NAALADL2: variants seen among roughly 807,000 people sequenced by gnomAD.
NAALADL2 encodes inactive N-acetylated-alpha-linked acidic dipeptidase-like protein 2.
Under a neutral mutation model 87.2 loss-of-function variants are expected in NAALADL2, and 76 were observed. The observed-to-expected ratio is 0.87, with a 90% CI of 0.72 to 1.05. The LOEUF (loss-of-function observed/expected upper bound fraction) is 1.05. Among genes scored for constraint, NAALADL2 ranks in the 50% least tolerant of loss-of-function variants. The pLI, the probability that NAALADL2 is intolerant of heterozygous loss-of-function variation, is 0.00. For missense variants in NAALADL2, 1,089 were observed against 945.8 expected (o/e 1.15, Z -1.99); for synonymous variants, 354 against 331.0 (o/e 1.07, Z -0.75).
chr3:174,836,350 G>C (rs1723324667), intron 3 of NAALADL2, among the ~76,000 whole-genome samples: 1 of 152,072 alleles, frequency 6.6e-6, no homozygotes, highest in Non-Finnish European at 1.5e-5. Flanking sequence ...ATGGTGAGCT[G>C]TTTAATGGGT....
chr3:174,950,622 A>T (rs570528744), intron 1 of NAALADL2, among the ~76,000 whole-genome samples: 9 of 152,232 alleles, frequency 5.9e-5, no homozygotes, highest in Admixed American at 5.9e-4. Context: ...CCTTTTTTTA[A>T]AATAGTCATC....
chr3:174,913,791 G>A (rs1021856795), intron 1 of NAALADL2, among the ~76,000 whole-genome samples: 2 of 151,938 alleles, frequency 1.3e-5, no homozygotes, highest in Non-Finnish European at 2.9e-5. Flanking sequence ...CCAAATTAAT[G>A]AAAAATCATT....
rs971836590 is a variant in NAALADL2 at position 174,453,386 on chromosome 3, G to C, written c.-184+12354G>C. On this transcript the variant is annotated intron_variant, in intron 1 of 3. Coordinates refer to the NAALADL2 transcript ENST00000434257. ...TTGGGATATCCTCCATCTAGATAGA[G>C]AGGCCAACATTCAAATTCAGGAAAT... Among the ~76,000 whole-genome samples, 4 of 88,484 alleles carry C rather than the reference G, an allele frequency of 4.5e-5. No individual in the cohort carries two copies. In the South Asian group the frequency reaches 1.7e-3, roughly 37 times the overall value. The allele number at this position is 88,484 out of a possible 152,430, so 58.0% of individuals were successfully genotyped here.
At chr3:174,955,581 CAT>C (rs200107823) in intron 1 of NAALADL2, among the ~76,000 whole-genome samples, 1 of 152,032 alleles carries the variant, frequency 6.6e-6, no homozygotes, top group East Asian at 1.9e-4. Flanking sequence ...TCTGGTGACT[CAT>C]ACATATCTTT....
At chr3:175,114,258 T>A (rs999862755) in intron 2 of NAALADL2, among the ~76,000 whole-genome samples, 1 of 151,618 alleles carries the variant, frequency 6.6e-6, no homozygotes, top group Non-Finnish European at 1.5e-5. Flanking sequence ...TGGAGGACTA[T>A]TAAATCACGT....
intron 1 of NAALADL2, among the ~76,000 whole-genome samples, chr3:174,533,585 G>C (rs1456392094): frequency 6.6e-6 from 1 of 150,426 alleles, no homozygotes; most frequent in African/African-American, 2.5e-5. Flanking sequence ...GAACCACAGA[G>C]GAGGTGGAGA....
In NAALADL2 at chr3:175,421,066, T is replaced by C. The variant is rs1295099165; in HGVS notation, c.1091-26163T>C. On this transcript the variant is annotated intron_variant, in intron 5 of 13. Transcript: ENST00000454872. ...TTTTTTTCTTGATTGTTGCATTTAG[T>C]TATTCTCTAAGTTTTCTTTGCATAA... is the stretch of plus-strand genomic sequence containing the variant. 2.0e-5 allele frequency among the ~76,000 whole-genome samples: 3 copies of C among 152,058 alleles called. No individual in the cohort carries two copies. The East Asian group carries it at 5.8e-4, about 29-fold the overall frequency.
At position 175,180,814 on chromosome 3, in the gene NAALADL2, C is replaced by T. The variant is rs565558673; in HGVS notation, c.546-53117C>T. On this transcript the variant is annotated intron_variant, in intron 2 of 13. Transcript: ENST00000454872. Reference sequence around the variant, plus strand: ...CTGGCACTTCTCTAAATGCTTTAGTCCTTACAATGGATCTATCAGAAACAT... The same window carrying T: ...CTGGCACTTCTCTAAATGCTTTAGTTCTTACAATGGATCTATCAGAAACAT... Among the ~76,000 whole-genome samples, 330 of 151,778 alleles carry T rather than the reference C, an allele frequency of 2.2e-3. 2 individuals are homozygous for T. The highest frequency in any genetic ancestry group is 3.8e-3 in the Non-Finnish European group (259 of 67,862).
At chr3:175,337,388 C>T (rs548474125) in intron 5 of NAALADL2, among the ~76,000 whole-genome samples, 1 of 152,154 alleles carries the variant, frequency 6.6e-6, no homozygotes, top group Non-Finnish European at 1.5e-5. Flanking sequence ...ACTCTAGCCC[C>T]TCAGAATAGG....
intron 5 of NAALADL2, among the ~76,000 whole-genome samples, chr3:175,343,665 T>G (rs73881471): frequency 3.6e-5 from 5 of 139,386 alleles, no homozygotes; most frequent in African/African-American, 1.1e-4. Context: ...GTTTTTTTTT[T>G]TTTTTTTTTT....
At chr3:175,223,094 C>CTCTGTGTG (rs1553820053) in intron 2 of NAALADL2, among the ~76,000 whole-genome samples, 1 of 147,488 alleles carries the variant, frequency 6.8e-6, no homozygotes, top group Non-Finnish European at 1.5e-5. Flanking sequence ...CATAGTTACT[C>CTCTGTGTG]TGTGTGTGTG....
intron 2 of NAALADL2, among the ~76,000 whole-genome samples, chr3:174,592,918 G>A (rs116258037): frequency 6.6e-6 from 1 of 152,028 alleles, no homozygotes; most frequent in South Asian, 2.1e-4. Flanking sequence ...GTGTGTGTGA[G>A]AGAGAGGGAG....
At chr3:175,610,521 T>C (rs1234915422) in intron 10 of NAALADL2, among the ~76,000 whole-genome samples, 2 of 152,142 alleles carry the variant, frequency 1.3e-5, no homozygotes, top group African/African-American at 4.8e-5. Context: ...CATTGTATTC[T>C]AGTTTTCTGG....
chr3:174,769,430 A>G (rs1018165413), intron 3 of NAALADL2, among the ~76,000 whole-genome samples: 3 of 152,030 alleles, frequency 2.0e-5, no homozygotes, highest in African/African-American at 7.2e-5. Flanking sequence ...ACACATGTAA[A>G]CTACTTTTTA....
At chr3:175,480,743 G>A (rs1243652285) in intron 9 of NAALADL2, among the ~76,000 whole-genome samples, 2 of 151,646 alleles carry the variant, frequency 1.3e-5, no homozygotes, top group African/African-American at 4.8e-5. Context: ...AAAATAATAA[G>A]GTATTGTACA....
intron 1 of NAALADL2, among the ~76,000 whole-genome samples, chr3:174,982,000 T>C (rs1745184505): frequency 6.6e-6 from 1 of 152,222 alleles, no homozygotes; most frequent in African/African-American, 2.4e-5. Context: ...AACTTAAGAA[T>C]ACGGTCACAA....
chr3:175,377,149 C>A (rs1448379152), intron 5 of NAALADL2, among the ~76,000 whole-genome samples: 1 of 151,972 alleles, frequency 6.6e-6, no homozygotes, highest in Non-Finnish European at 1.5e-5. Flanking sequence ...CCCATCTCTA[C>A]TAATAATACA....
chr3:175,198,788 ATT>A lies in NAALADL2; in HGVS notation c.546-35132_546-35131del, dbSNP rs34254741. 1.2e-3 allele frequency among the ~76,000 whole-genome samples: 172 copies of A among 148,184 alleles called. 2 individuals are homozygous for A. The East Asian group carries it at 0.022, about 19-fold the overall frequency. ...GATTTTTTTTTCATTTTAAGGGCAG[ATT>A]TTTTTTTTTTCCCAAAAACTCAGGA... On this transcript the variant is annotated intron_variant, in intron 2 of 13. Coordinates refer to ENST00000454872, the MANE Select transcript of NAALADL2 (RefSeq NM_207015.3).
chr3:174,939,688 A>G (rs994517465), intron 1 of NAALADL2, among the ~76,000 whole-genome samples: 1 of 151,712 alleles, frequency 6.6e-6, no homozygotes, highest in Non-Finnish European at 1.5e-5. Flanking sequence ...TCTTTGAGCA[A>G]TGTTTTATAA....
Sources: gnomAD v4.1 joint callset for allele counts (sites outside exome capture counted in the v4.1 genomes callset) on GRCh38, gnomAD v4.1.1 for gene constraint, MANE v1.5 for transcripts, NCBI Gene and HGNC (gene_info 2026-07-23, HGNC 2026-07-21) for gene names.